Variants in GK3 observed in about 807,000 individuals in gnomAD.
The protein encoded by GK3 is glycerol kinase 3, also known as glycerol kinase 3 pseudogene.
the GK3 span, chr4:165,279,585 T>C: frequency 1.2e-6 from 2 of 1,605,296 alleles, no homozygotes; most frequent in Non-Finnish European, 1.7e-6. Flanking sequence ...CGCGTGGAAC[T>C]GGTGCCTTGG....
the GK3 span, chr4:165,278,676 T>C: frequency 6.2e-7 from 1 of 1,601,492 alleles, no homozygotes; most frequent in East Asian, 2.2e-5. Context: ...GCACCAGCTA[T>C]AGCTACAGAA....
At chr4:165,279,221 C>T in the GK3 span, 2 of 1,533,120 alleles carry the variant, frequency 1.3e-6, no homozygotes, top group Middle Eastern at 1.7e-4. Flanking sequence ...AAGTGGAAGG[C>T]CTGTCTTGGA....
chr4:165,278,292 G>T, the GK3 span: 2 of 1,061,090 alleles, frequency 1.9e-6, no homozygotes, highest in Admixed American at 1.7e-5. Context: ...GTGGTTTCGG[G>T]CATCAAGGGC....
chr4:165,278,834 T>A, the GK3 span: 6 of 1,541,824 alleles, frequency 3.9e-6, no homozygotes, highest in African/African-American at 1.4e-5. Context: ...TTGTCCAATC[T>A]GGAAGCACAT....
At chr4:165,279,189 T>C in the GK3 span, 1 of 1,571,290 alleles carries the variant, frequency 6.4e-7, no homozygotes, top group Non-Finnish European at 8.8e-7. Flanking sequence ...CAGCGAAGTT[T>C]CACTGCACTG....
chr4:165,278,838 A>G, the GK3 span: 42 of 1,539,178 alleles, frequency 2.7e-5, 2 homozygotes, highest in South Asian at 4.7e-4. Flanking sequence ...CCAATCTGGA[A>G]GCACATTTGT....
the GK3 span, chr4:165,279,457 A>G: frequency 1.9e-6 from 3 of 1,599,822 alleles, no homozygotes; most frequent in Non-Finnish European, 2.6e-6. Flanking sequence ...ACTCATAGAC[A>G]GAATGTAGAA....
At chr4:165,279,680 G>A in the GK3 span, 2 of 1,570,982 alleles carry the variant, frequency 1.3e-6, no homozygotes, top group Non-Finnish European at 8.8e-7. Flanking sequence ...GTTTGCGGCC[G>A]GTTTCCTGGG....
At chr4:165,279,404 C>G in the GK3 span, 10 of 1,591,904 alleles carry the variant, frequency 6.3e-6, no homozygotes, top group Non-Finnish European at 8.6e-6. Flanking sequence ...GTTGGAAATA[C>G]CAATATTGAG....
chr4:165,278,801 C>T, the GK3 span: 3 of 1,536,976 alleles, frequency 2.0e-6, no homozygotes, highest in African/African-American at 4.1e-5. Context: ...TAAGAAACAT[C>T]CTGTTCCATA....
At chr4:165,278,919 T>A in the GK3 span, 2 of 1,409,280 alleles carry the variant, frequency 1.4e-6, no homozygotes, top group East Asian at 4.5e-5. Context: ...CCCGCTTTCA[T>A]TAGGCCATAG....
the GK3 span, chr4:165,279,344 T>C: frequency 6.3e-7 from 1 of 1,577,872 alleles, no homozygotes; most frequent in Non-Finnish European, 8.7e-7. Flanking sequence ...AGTTATCTTG[T>C]CCCAGACTAC....
chr4:165,279,567 C>A, the GK3 span: 4 of 1,598,000 alleles, frequency 2.5e-6, no homozygotes, highest in African/African-American at 5.4e-5. Context: ...GAATTGAAAA[C>A]CAAAAAGCGC....
chr4:165,278,556 A>T, the GK3 span: 1 of 1,611,386 alleles, frequency 6.2e-7, no homozygotes, highest in South Asian at 1.1e-5. Flanking sequence ...AACCCCGAAA[A>T]TGCTGGGACG....
chr4:165,278,708 G>A, the GK3 span: 10,683 of 1,603,352 alleles, frequency 6.7e-3, 38 homozygotes, highest in Non-Finnish European at 7.9e-3. Flanking sequence ...GTAATATACC[G>A]GTTTGTCTCT....
chr4:165,279,666 C>G, the GK3 span: 1 of 1,607,396 alleles, frequency 6.2e-7, no homozygotes, highest in African/African-American at 1.3e-5. Context: ...TCAGGTCCGC[C>G]CGCGTTTGCG....
At chr4:165,279,310 C>A in the GK3 span, 4 of 1,553,838 alleles carry the variant, frequency 2.6e-6, no homozygotes, top group East Asian at 4.5e-5. Flanking sequence ...CAAGCCACAC[C>A]ACAGCATTGT....
chr4:165,279,689 G>C, the GK3 span: 7 of 1,538,796 alleles, frequency 4.5e-6, no homozygotes, highest in South Asian at 7.8e-5. Context: ...CGGTTTCCTG[G>C]GTGACGGCGG....
At chr4:165,278,816 T>C in the GK3 span, 1 of 1,553,764 alleles carries the variant, frequency 6.4e-7, no homozygotes, top group Non-Finnish European at 8.9e-7. Flanking sequence ...TCCATACGTA[T>C]TTTTGGCTTG....
Sources: allele counts gnomAD v4.1 joint callset, GRCh38; gene constraint gnomAD v4.1.1; transcripts MANE v1.5; gene names NCBI Gene and HGNC (gene_info 2026-07-23, HGNC 2026-07-21).